The following RFTN1 variants were observed in gnomAD, a reference collection of about 807,000 sequenced individuals.
RFTN1 encodes the protein raftlin.
In RFTN1, 26 loss-of-function variants were observed where a neutral mutation model predicts 46.5. The ratio of observed to expected loss-of-function variants is 0.56; its 90% CI spans 0.41 to 0.78. The LOEUF is 0.78. Ranked by LOEUF, RFTN1 falls within the 30% of genes least tolerant of loss-of-function variation. The probability of loss-of-function intolerance (pLI) is 0.00; values close to 1 mark genes in which losing one functional copy is unlikely to be tolerated. For missense variants in RFTN1, 693 were observed against 718.7 expected, an observed-to-expected ratio of 0.96 and a Z score of 0.41; for synonymous variants, 261 against 284.2, an observed-to-expected ratio of 0.92 and a Z score of 0.82.
chr3:16,327,386 G>A lies in RFTN1; in HGVS notation c.1147-510C>T, dbSNP rs920934763. Among the ~76,000 whole-genome samples the A allele has an allele frequency of 2.0e-5, 3 of 152,202 alleles. No homozygotes were observed. Among genetic ancestry groups the A allele is most frequent in the East Asian group, 1.9e-4 (1 of 5,194 alleles). Reference sequence around the variant, plus strand: ...CTGCTTTGCCTGTGTTATGTGCCCTGCCTTGCAGGGATAAATGAATGCTGC... The same window carrying A: ...CTGCTTTGCCTGTGTTATGTGCCCTACCTTGCAGGGATAAATGAATGCTGC... On this transcript the variant is annotated intron_variant, in intron 7 of 9. Transcript: ENST00000334133. The surrounding 1 kb of genome is among the most constrained non-coding windows in gnomAD (Gnocchi z 4.2).
intron 2 of RFTN1, among the ~76,000 whole-genome samples, chr3:16,493,359 G>A (rs1421778404): frequency 6.6e-6 from 1 of 151,826 alleles, no homozygotes; most frequent in Non-Finnish European, 1.5e-5. Flanking sequence ...AGCCTCCCGA[G>A]TAGCTGGGAC....
At chr3:16,394,260 C>T (rs1295110949) in intron 4 of RFTN1, among the ~76,000 whole-genome samples, 6 of 152,060 alleles carry the variant, frequency 3.9e-5, no homozygotes, top group Non-Finnish European at 8.8e-5. Context: ...ACCCGTAATC[C>T]TAGCTGCTTG....
Position 16,426,543 on chromosome 3 carries a change from A to G in RFTN1, c.332+7308T>C, listed in dbSNP as rs1417261199. 6.6e-6 allele frequency among the ~76,000 whole-genome samples: 1 copy of G among 152,218 alleles called. No homozygotes were observed. Among genetic ancestry groups the G allele is most frequent in the African/African-American group, 2.4e-5 (1 of 41,466 alleles). Reference sequence around the variant, plus strand: ...ATTTGTACTTCACTTATGGTCCGCAAAGATTTCCTTTCTTTGAAGGCCATC... The same window carrying G: ...ATTTGTACTTCACTTATGGTCCGCAGAGATTTCCTTTCTTTGAAGGCCATC... On this transcript the variant is annotated intron_variant, in intron 3 of 9. Coordinates refer to ENST00000334133, the MANE Select transcript of RFTN1 (RefSeq NM_015150.2). The surrounding 1 kb of genome is among the most constrained non-coding windows in gnomAD (Gnocchi z 5.9).
chr3:16,359,892 C>CA (rs1254674725), intron 6 of RFTN1, among the ~76,000 whole-genome samples: 1 of 151,458 alleles, frequency 6.6e-6, no homozygotes, highest in Non-Finnish European at 1.5e-5. Flanking sequence ...CTGGAACTGC[C>CA]AGTATTTTCT....
At chr3:16,487,149 A>G (rs185926798) in intron 2 of RFTN1, among the ~76,000 whole-genome samples, 1 of 152,364 alleles carries the variant, frequency 6.6e-6, no homozygotes, top group East Asian at 1.9e-4. Context: ...TGTTTAAGCC[A>G]GTCTGTGGTA....
chr3:16,462,673 A>T (rs1462419887), intron 2 of RFTN1, among the ~76,000 whole-genome samples: 1 of 152,266 alleles, frequency 6.6e-6, no homozygotes, highest in Admixed American at 6.5e-5. Flanking sequence ...CTCTGTTGAC[A>T]CATTGATTTC....
At chr3:16,472,831 C>A (rs781317982) in intron 2 of RFTN1, among the ~76,000 whole-genome samples, 2 of 152,162 alleles carry the variant, frequency 1.3e-5, no homozygotes, top group African/African-American at 4.8e-5. Flanking sequence ...CAATGTTACA[C>A]GACCGAAAGC....
intron 2 of RFTN1, among the ~76,000 whole-genome samples, chr3:16,453,364 A>G (rs2075851635): frequency 6.6e-6 from 1 of 152,238 alleles, no homozygotes; most frequent in Admixed American, 6.5e-5. Flanking sequence ...AGACACCCTC[A>G]GATCCCAATC....
intron 6 of RFTN1, among the ~76,000 whole-genome samples, chr3:16,368,776 T>A (rs866856413): frequency 2.0e-5 from 3 of 152,156 alleles, no homozygotes; most frequent in Non-Finnish European, 2.9e-5. Context: ...TTAAACTTAA[T>A]GAAAGTTAAA....
Position 16,426,385 on chromosome 3 carries a change from C to T in RFTN1, c.332+7466G>A, listed in dbSNP as rs1438197827. 1.3e-5 allele frequency among the ~76,000 whole-genome samples: 2 copies of T among 152,074 alleles called. No homozygotes were observed. The highest frequency in any genetic ancestry group is 4.8e-5 in the African/African-American group (2 of 41,386). Reference sequence around the variant, plus strand: ...CAAGGCCACTTAAAGAGGACACTTTCGACTGTAATTTTTTAAAGGATTTTC... The same window carrying T: ...CAAGGCCACTTAAAGAGGACACTTTTGACTGTAATTTTTTAAAGGATTTTC... On this transcript the variant is annotated intron_variant, in intron 3 of 9. Transcript: ENST00000334133. The surrounding 1 kb of genome is among the most constrained non-coding windows in gnomAD (Gnocchi z 5.9).
At chr3:16,373,856 G>A (rs1022728033) in intron 5 of RFTN1, among the ~76,000 whole-genome samples, 1 of 152,308 alleles carries the variant, frequency 6.6e-6, no homozygotes, top group African/African-American at 2.4e-5. Context: ...GGGAGGCAGT[G>A]GGCACCATGG....
chr3:16,508,581 G>A (rs569998283), intron 1 of RFTN1, among the ~76,000 whole-genome samples: 2 of 152,222 alleles, frequency 1.3e-5, no homozygotes, highest in African/African-American at 2.4e-5. Flanking sequence ...ATGAGAAAGT[G>A]TCTTGATAAA....
At chr3:16,368,657 C>T (rs1436921324) in intron 6 of RFTN1, among the ~76,000 whole-genome samples, 4 of 142,314 alleles carry the variant, frequency 2.8e-5, no homozygotes, top group Non-Finnish European at 3.0e-5. Flanking sequence ...CCAGCCTGGG[C>T]GACAGAGCGA....
At chr3:16,367,132 G>A (rs2073236585) in intron 6 of RFTN1, among the ~76,000 whole-genome samples, 1 of 132,326 alleles carries the variant, frequency 7.6e-6, no homozygotes. Context: ...AAAATATTTT[G>A]GAGTATAAAT....
rs545369229 is a variant in RFTN1 at position 16,480,746 on chromosome 3, G to A, written c.145+12979C>T. ...TAGAGAAAGCTTAAAATTCTTTAAC[G>A]CAATATTGCTAATAATAATTAGTAG... On this transcript the variant is annotated intron_variant, in intron 2 of 9. Coordinates refer to ENST00000334133, the MANE Select transcript of RFTN1 (RefSeq NM_015150.2). The surrounding 1 kb of genome is among the most constrained non-coding windows in gnomAD (Gnocchi z 4.3). Among the ~76,000 whole-genome samples the A allele has an allele frequency of 4.7e-4, 72 of 152,210 alleles. No individual in the cohort carries two copies. The highest frequency in any genetic ancestry group is 1.7e-3 in the African/African-American group (71 of 41,522).
chr3:16,329,167 G>A lies in RFTN1; in HGVS notation c.1147-2291C>T, dbSNP rs553157775. Among the ~76,000 whole-genome samples the A allele has an allele frequency of 9.8e-5, 15 of 152,328 alleles. No homozygotes were observed. The South Asian group carries it at 2.9e-3, about 29-fold the overall frequency. On this transcript the variant is annotated intron_variant, in intron 7 of 9. Transcript: ENST00000334133. This position sits in a 1 kb window ranked among gnomAD's most constrained non-coding sequence, Gnocchi z 4.5. ...TCTCCTGCTCTCTCCCCTCTTTTCTGCGCTTCCGCCTCGGGATGACGCAGC... is the reference window on the plus strand; with the variant it reads ...TCTCCTGCTCTCTCCCCTCTTTTCTACGCTTCCGCCTCGGGATGACGCAGC...
At chr3:16,339,763 C>T (rs1355737358) in intron 7 of RFTN1, 2 of 152,208 alleles carry the variant, frequency 1.3e-5, no homozygotes, top group Non-Finnish European at 2.9e-5. Context: ...AACACAAACT[C>T]CACAAAGGCA....
At chr3:16,399,886 G>A (rs968843120) in intron 4 of RFTN1, among the ~76,000 whole-genome samples, 1 of 152,082 alleles carries the variant, frequency 6.6e-6, no homozygotes, top group African/African-American at 2.4e-5. Context: ...GGTCTGCCTG[G>A]CTCAATATTT....
Position 16,429,153 on chromosome 3 carries a change from T to G in RFTN1, c.332+4698A>C, listed in dbSNP as rs2075339343. ...AACAGTTTACAGTTAGATGTGTGGCTAGGCCTGCCATGGTAAAATGAAATG... is the reference window on the plus strand; with the variant it reads ...AACAGTTTACAGTTAGATGTGTGGCGAGGCCTGCCATGGTAAAATGAAATG... On this transcript the variant is annotated intron_variant, in intron 3 of 9. Transcript: ENST00000334133. This position sits in a 1 kb window ranked among gnomAD's most constrained non-coding sequence, Gnocchi z 6.4. 6.6e-6 allele frequency among the ~76,000 whole-genome samples: 1 copy of G among 150,628 alleles called. No homozygotes were observed.
Sources: gnomAD v4.1 joint callset for allele counts (sites outside exome capture counted in the v4.1 genomes callset) on GRCh38, gnomAD v4.1.1 for gene constraint, Gnocchi (gnomAD v3.1) non-coding constraint, MANE v1.5 for transcripts, NCBI Gene and HGNC (gene_info 2026-07-23, HGNC 2026-07-21) for gene names.